Variants in ADAM15 observed in about 807,000 individuals in gnomAD.
The protein encoded by ADAM15 is ADAM metallopeptidase domain 15.
ADAM15 carries 77 observed loss-of-function variants against 113.8 expected under a neutral mutation model. The observed-to-expected ratio is 0.68, with a 90% CI of 0.56 to 0.82. ADAM15 has a LOEUF of 0.82. Ranked by LOEUF, ADAM15 falls within the 40% of genes least tolerant of loss-of-function variation. The probability of loss-of-function intolerance (pLI) is 0.00; values close to 1 mark genes in which losing one functional copy is unlikely to be tolerated. For synonymous variants in ADAM15, 388 were observed against 454.1 expected (o/e 0.85, Z 1.85); for missense variants, 963 against 1,120.1 (o/e 0.86, Z 2.00).
In ADAM15 at chr1:155,062,509, C is replaced by T. The variant is rs775725962; in HGVS notation, c.*7C>T. On this transcript the variant is annotated 3_prime_UTR_variant, in exon 23 of 23. Transcript: ENST00000356955. The surrounding 1 kb of genome is among the most constrained non-coding windows in gnomAD (Gnocchi z 7.0). ...GTCCTCGCTCTACCTCTGACCTCTC[C>T]GGAGGTTCCGCTGCCTCCAAGCCGG... 1 of 1,612,724 alleles carries T rather than the reference C, an allele frequency of 6.2e-7. No homozygotes were observed. Among genetic ancestry groups the T allele is most frequent in the South Asian group, 1.1e-5 (1 of 90,890 alleles).
At chr1:155,060,726 C>T in intron 18 of ADAM15, 37 bp from the exon 19 acceptor site, 1 of 1,598,676 alleles carries the variant, frequency 6.3e-7, no homozygotes, top group Non-Finnish European at 8.6e-7. Context: ...GGGTCTGAGG[C>T]TGGGCCCTCT....
At position 155,051,655 on chromosome 1, in the gene ADAM15, G is replaced by T. The variant is rs373468700; in HGVS notation, c.79+190G>T. ...GATGGGGTGAAAAGAGAAGGAGGGGGGATGCCGGCGCCCCCTGCCTCCTGC... is the reference window on the plus strand; with the variant it reads ...GATGGGGTGAAAAGAGAAGGAGGGGTGATGCCGGCGCCCCCTGCCTCCTGC... On this transcript the variant is annotated intron_variant, in intron 1 of 22. Transcript: ENST00000356955. The T allele has an allele frequency of 2.7e-4, 130 of 490,318 alleles. No individual in the cohort carries two copies. The East Asian group carries it at 4.7e-3, about 18-fold the overall frequency. The allele number at this position is 490,318 out of a possible 1,614,324, so 30.4% of individuals were successfully genotyped here. A position where few individuals can be genotyped will look rare whatever the true frequency, so the allele number is the denominator to read the frequency against.
chr1:155,057,311 C>T lies in ADAM15; in HGVS notation c.1272C>T (p.Cys424=), dbSNP rs201452183. ...GCCTACCCCCTATGGCTGCTTTCTG[C>T]GGAAATATGTTTGTGGAGCCGGGCG... ...LPSLPPMAAF[C]GNMFVEPGEQ... is the part of the protein sequence containing the mutation. The change falls in exon 12 of 23, where the codon TGC becomes TGT. Residue 424 remains cysteine, a synonymous_variant. Transcript: ENST00000356955. This position sits in a 1 kb window ranked among gnomAD's most constrained non-coding sequence, Gnocchi z 5.0. 175 of 1,614,182 alleles carry T rather than the reference C, an allele frequency of 1.1e-4. No homozygotes were observed. In the African/African-American group the frequency reaches 1.6e-3, roughly 15 times the overall value.
rs1238463969 is a variant in ADAM15, at chr1:155,062,292, C to T, written c.2472C>T (p.Ala824=). The T allele has an allele frequency of 4.1e-6, 6 of 1,475,682 alleles. No homozygotes were observed. The highest frequency in any genetic ancestry group is 4.5e-6 in the Non-Finnish European group (5 of 1,110,086). The allele number at this position is 1,475,682 out of a possible 1,614,324, so 91.4% of individuals were successfully genotyped here. ...KPPPPRKPLP[A]DPQGRCPSGD... ...CACCCCCAAGGAAGCCACTGCCTGCCGACCCCCAGGGCCGGTGCCCATCGG... is the reference window on the plus strand; with the variant it reads ...CACCCCCAAGGAAGCCACTGCCTGCTGACCCCCAGGGCCGGTGCCCATCGG... Residue 824 remains alanine (A), a synonymous_variant, in exon 22 of 23, where the codon GCC becomes GCT. Coordinates refer to ENST00000356955, the MANE Select transcript of ADAM15 (RefSeq NM_207197.3). The surrounding 1 kb of genome is among the most constrained non-coding windows in gnomAD (Gnocchi z 7.0).
intron 3 of ADAM15, 37 bp downstream of exon 3, chr1:155,053,530 CCAA>C (rs760666345): frequency 1.9e-6 from 3 of 1,601,930 alleles, no homozygotes; most frequent in Middle Eastern, 3.3e-4. Context: ...GACCACATGG[CCAA>C]CAACTTGTAT....
chr1:155,051,546 G>A, intron 1 of ADAM15, 81 bp downstream of exon 1: 1 of 1,317,044 alleles, frequency 7.6e-7, no homozygotes, highest in South Asian at 1.5e-5. Flanking sequence ...GGGTAATGGG[G>A]CCGGACGGAG....
chr1:155,055,881 C>CA (rs763090155), intron 7 of ADAM15, 29 bp downstream of exon 7: 1 of 1,614,230 alleles, frequency 6.2e-7, no homozygotes, highest in South Asian at 1.1e-5. Context: ...GCACATCCTC[C>CA]TCCCCCTGCA....
intron 1 of ADAM15, 88 bp from the exon 2 acceptor site, chr1:155,052,583 G>T: frequency 6.4e-7 from 1 of 1,551,796 alleles, no homozygotes; most frequent in South Asian, 1.2e-5. Flanking sequence ...TTGATGGGCT[G>T]GGAGCTGGTG....
At chr1:155,052,938 G>C (rs1019491209) in intron 2 of ADAM15, among the ~76,000 whole-genome samples, 161 bp downstream of exon 2, 7 of 152,146 alleles carry the variant, frequency 4.6e-5, no homozygotes, top group Non-Finnish European at 8.8e-5. Context: ...CCCAGCACCT[G>C]GCTTCACTTA....
rs192819612 is a variant in ADAM15 at position 155,053,061 on chromosome 1, C to T, written c.186+284C>T. Among the ~76,000 whole-genome samples the T allele has an allele frequency of 1.2e-4, 18 of 150,974 alleles. No individual in the cohort carries two copies. In the Admixed American group the frequency reaches 1.2e-3, roughly 10 times the overall value. ...ACTTGCTTTCTTCATCTCATGTTGTCGGTTTTCTCAGTGGGGGGATTTGGA... is the reference window on the plus strand; with the variant it reads ...ACTTGCTTTCTTCATCTCATGTTGTTGGTTTTCTCAGTGGGGGGATTTGGA... On this transcript the variant is annotated intron_variant, in intron 2 of 22. Transcript: ENST00000356955.
Position 155,061,971 on chromosome 1 carries a change from C to T in ADAM15, c.2420C>T (p.Pro807Leu). 1 of 1,585,398 alleles carries T rather than the reference C, an allele frequency of 6.3e-7. No homozygotes were observed. Among genetic ancestry groups the T allele is most frequent in the South Asian group, 1.1e-5 (1 of 87,846 alleles). The change falls in exon 21 of 23, where the codon CCG (proline) becomes CTG (leucine). Residue 807 changes from proline (P) to leucine (L), a missense_variant. Pro to Leu is a moderately conservative substitution (Grantham distance 98, BLOSUM62 -3). Coordinates refer to ENST00000356955, the MANE Select transcript of ADAM15 (RefSeq NM_207197.3). ...PLPADPVVRS[P>L]KSQGPAKPPP... ...CCCGCTGACCCGGTGGTGAGAAGCC[C>T]GAAGGTAACGGTGGGGGGAGAGAAG...
In ADAM15 at chr1:155,057,797, A is replaced by AC. The variant is rs938196087; in HGVS notation, c.1417-49dup. On this transcript the variant is annotated intron_variant, in intron 13 of 22. Coordinates refer to ENST00000356955, the MANE Select transcript of ADAM15 (RefSeq NM_207197.3). This position sits in a 1 kb window ranked among gnomAD's most constrained non-coding sequence, Gnocchi z 5.0. ...GGCCAAGGTGGAAAGGGTCATTCTG[A>AC]CCCCCGGCTGGATTTGCTCAGTGCC... 1.2e-6 allele frequency: 2 copies of AC among 1,612,458 alleles called. No homozygotes were observed. Among genetic ancestry groups the AC allele is most frequent in the African/African-American group, 2.7e-5 (2 of 74,680 alleles).
intron 1 of ADAM15, 25 bp downstream of exon 1, chr1:155,051,490 CG>C: frequency 7.9e-6 from 12 of 1,517,862 alleles, no homozygotes; most frequent in Admixed American, 4.7e-5. Context: ...TGGAGTGGGT[CG>C]GGGGGCGGAC....
Position 155,054,227 on chromosome 1 carries a change from G to A in ADAM15, c.419+1G>A. ...CCATCTGCACCTGCTCTGGGCTCAG[G>A]TATACTGGGCGGATTTAATGACAGT... On this transcript the variant is annotated splice_donor_variant, in intron 5 of 22. Coordinates refer to ENST00000356955, the MANE Select transcript of ADAM15 (RefSeq NM_207197.3). LOFTEE classifies it high-confidence loss of function. The A allele has an allele frequency of 6.3e-7, 1 of 1,598,708 alleles. No homozygotes were observed. The highest frequency in any genetic ancestry group is 8.5e-7 in the Non-Finnish European group (1 of 1,174,616).
rs762419785 is a variant in ADAM15, at chr1:155,057,318, A to G, written c.1279A>G (p.Met427Val). ...CCCTATGGCTGCTTTCTGCGGAAATATGTTTGTGGAGCCGGGCGAGCAGTG... is the reference window on the plus strand; with the variant it reads ...CCCTATGGCTGCTTTCTGCGGAAATGTGTTTGTGGAGCCGGGCGAGCAGTG... ...LPPMAAFCGN[M>V]FVEPGEQCDC... Residue 427 changes from methionine (M) to valine (V), a missense_variant, in exon 12 of 23, where the codon ATG becomes GTG. Coordinates refer to ENST00000356955, the MANE Select transcript of ADAM15 (RefSeq NM_207197.3). The surrounding 1 kb of genome is among the most constrained non-coding windows in gnomAD (Gnocchi z 5.0). The G allele has an allele frequency of 2.2e-5, 35 of 1,613,992 alleles. No homozygotes were observed. Among genetic ancestry groups the G allele is most frequent in the Admixed American group, 1.7e-4 (10 of 59,994 alleles).
intron 1 of ADAM15, 26 bp downstream of exon 1, chr1:155,051,491 G>T: frequency 1.3e-6 from 2 of 1,516,896 alleles, no homozygotes; most frequent in East Asian, 5.4e-5. Flanking sequence ...GGAGTGGGTC[G>T]GGGGGCGGAC....
intron 17 of ADAM15, 60 bp from the exon 18 acceptor site, chr1:155,060,145 G>T: frequency 6.2e-7 from 1 of 1,600,188 alleles, no homozygotes. Context: ...TGCCCCCTGC[G>T]CCTTCATGGA....
At chr1:155,060,405 C>T in intron 18 of ADAM15, 62 bp downstream of exon 18, 8 of 1,593,938 alleles carry the variant, frequency 5.0e-6, no homozygotes, top group Non-Finnish European at 6.9e-6. Flanking sequence ...AAGGCTGCCT[C>T]ACCTCTGCAG....
Position 155,060,340 on chromosome 1 carries a change from A to C in ADAM15, c.2204A>C (p.Tyr735Ser). 6.2e-7 allele frequency: 1 copy of C among 1,614,070 alleles called. No individual in the cohort carries two copies. The highest frequency in any genetic ancestry group is 8.5e-7 in the Non-Finnish European group (1 of 1,179,962). The change falls in exon 18 of 23, where the codon TAC becomes TCC. Residue 735 changes from tyrosine (Y) to serine (S), a missense_variant. Tyr to Ser is a moderately radical substitution (Grantham distance 144). Coordinates refer to ENST00000356955, the MANE Select transcript of ADAM15 (RefSeq NM_207197.3). ...LCQLKGPTCQ[Y>S]RAAQSGPSER... is the part of the protein sequence containing the mutation. ...CAGCTCAAGGGACCCACCTGCCAGT[A>C]CAGGTATGAGCATCACCTCCCTGCT... is the stretch of plus-strand genomic sequence containing the variant.
Sources: allele counts gnomAD v4.1 joint callset (sites outside exome capture counted in the v4.1 genomes callset), GRCh38; gene constraint gnomAD v4.1.1; non-coding constraint Gnocchi (gnomAD v3.1); transcripts MANE v1.5; gene names NCBI Gene and HGNC (gene_info 2026-07-23, HGNC 2026-07-21).